The following ULK4 variants were observed in gnomAD, a reference collection of about 807,000 sequenced individuals.
ULK4 encodes inactive serine/threonine-protein kinase ULK4.
A neutral mutation model predicts 160.6 loss-of-function variants in ULK4; 133 were observed. That is an observed-to-expected ratio of 0.83 (90% CI 0.72 to 0.96). ULK4 has a LOEUF of 0.96. Ranked by LOEUF, ULK4 falls within the 40% of genes least tolerant of loss-of-function variation. ULK4 has a pLI of 0.00. For missense variants in ULK4, 1,580 were observed against 1,499.5 expected, an observed-to-expected ratio of 1.05 and a Z score of -0.89; for synonymous variants, 534 against 539.8, an observed-to-expected ratio of 0.99 and a Z score of 0.15.
At chr3:41,509,619 C>A (rs2085502915) in intron 32 of ULK4, among the ~76,000 whole-genome samples, 1 of 152,184 alleles carries the variant, frequency 6.6e-6, no homozygotes, top group African/African-American at 2.4e-5. Context: ...ACAGTAACAA[C>A]AGATTTATCA....
rs71288055 is a variant in ULK4, at chr3:41,567,443, A to ATTTT, written c.3121-1317_3121-1314dup. Among the ~76,000 whole-genome samples the ATTTT allele has an allele frequency of 2.6e-3, 234 of 90,284 alleles. 4 individuals carry two copies. Among genetic ancestry groups the ATTTT allele is most frequent in the Non-Finnish European group, 3.1e-3 (150 of 48,666 alleles). 59.2% of individuals were successfully genotyped at this position (90,284 alleles called of 152,430 possible). Reference sequence around the variant, plus strand: ...TCATTGAGAAGGTGTCACTTAACAGATTTTTTTTTTTTTTTTTTTTTTTGA... The same window carrying ATTTT: ...TCATTGAGAAGGTGTCACTTAACAGATTTTTTTTTTTTTTTTTTTTTTTTTTTGA... On this transcript the variant is annotated intron_variant, in intron 31 of 36. Coordinates refer to ENST00000301831, the MANE Select transcript of ULK4 (RefSeq NM_017886.4).
At chr3:41,674,082 A>G (rs780880414) in intron 29 of ULK4, among the ~76,000 whole-genome samples, 17 of 152,240 alleles carry the variant, frequency 1.1e-4, no homozygotes, top group African/African-American at 2.7e-4. Flanking sequence ...TGAACTGCAT[A>G]TGCACAATCA....
chr3:41,720,966 T>A (rs561119222), intron 22 of ULK4, among the ~76,000 whole-genome samples: 129 of 152,254 alleles, frequency 8.5e-4, no homozygotes, highest in Non-Finnish European at 1.1e-3. Context: ...AGGAAGTATT[T>A]AGCAAAAGGG....
Position 41,498,125 on chromosome 3 carries a change from C to G in ULK4, c.3227-34872G>C, listed in dbSNP as rs145593183. ...CACTCTTTCCAAGTATACATGAAAC[C>G]TTCTTTAAGAAAAACTAAATGCCAG... On this transcript the variant is annotated intron_variant, in intron 32 of 36. Coordinates refer to ENST00000301831, the MANE Select transcript of ULK4 (RefSeq NM_017886.4). 5.3e-3 allele frequency among the ~76,000 whole-genome samples: 809 copies of G among 152,238 alleles called. 5 individuals carry two copies. Among genetic ancestry groups the G allele is most frequent in the Non-Finnish European group, 8.9e-3 (604 of 68,022 alleles).
intron 35 of ULK4, among the ~76,000 whole-genome samples, chr3:41,261,294 A>C (rs1380746559): frequency 6.6e-6 from 1 of 152,110 alleles, no homozygotes; most frequent in African/African-American, 2.4e-5. Flanking sequence ...CAAACATATA[A>C]TTTTCTTTTT....
At chr3:41,939,820 G>C (rs926853388) in intron 2 of ULK4, among the ~76,000 whole-genome samples, 2 of 152,058 alleles carry the variant, frequency 1.3e-5, no homozygotes, top group African/African-American at 4.8e-5. Flanking sequence ...ATCAGCAGTG[G>C]CATTAGATTC....
chr3:41,511,999 C>T (rs1384063425), intron 32 of ULK4, among the ~76,000 whole-genome samples: 3 of 152,126 alleles, frequency 2.0e-5, no homozygotes, highest in Non-Finnish European at 2.9e-5. Context: ...AAATGGGATA[C>T]ACCACATAAA....
chr3:41,563,364 T>C (rs935500162), intron 32 of ULK4, among the ~76,000 whole-genome samples: 13 of 152,296 alleles, frequency 8.5e-5, no homozygotes, highest in Non-Finnish European at 1.3e-4. Context: ...AGGAGTATCT[T>C]TGTGGTGTTC....
chr3:41,874,138 T>C (rs2125695467), intron 17 of ULK4, among the ~76,000 whole-genome samples: 1 of 152,036 alleles, frequency 6.6e-6, no homozygotes, highest in Non-Finnish European at 1.5e-5. Flanking sequence ...CTATGGAAAA[T>C]AAGGACAATG....
chr3:41,453,778 T>C (rs1164763920), intron 34 of ULK4, among the ~76,000 whole-genome samples: 1 of 152,086 alleles, frequency 6.6e-6, no homozygotes, highest in South Asian at 2.1e-4. Flanking sequence ...TTCCATGTAA[T>C]TTCTAACTTA....
chr3:41,952,984 A>G (rs1417442920), intron 2 of ULK4, among the ~76,000 whole-genome samples: 1 of 152,146 alleles, frequency 6.6e-6, no homozygotes, highest in East Asian at 1.9e-4. Context: ...CCATTTATAT[A>G]GAGTAGTCAA....
chr3:41,851,236 T>C (rs1183065433), intron 17 of ULK4, among the ~76,000 whole-genome samples: 1 of 152,158 alleles, frequency 6.6e-6, no homozygotes, highest in Non-Finnish European at 1.5e-5. Flanking sequence ...CTCTTATTAT[T>C]TTGAGATATG....
chr3:41,334,497 A>G (rs565716336), intron 35 of ULK4, among the ~76,000 whole-genome samples: 7 of 151,790 alleles, frequency 4.6e-5, no homozygotes, highest in South Asian at 2.1e-4. Context: ...GCCATGTGGG[A>G]AAAAAATTGG....
At chr3:41,507,783 C>A (rs759316118) in intron 32 of ULK4, among the ~76,000 whole-genome samples, 1 of 152,134 alleles carries the variant, frequency 6.6e-6, no homozygotes, top group African/African-American at 2.4e-5. Flanking sequence ...CACTCATGAT[C>A]CAGATTCTGT....
chr3:41,710,808 A>G (rs1262873995), intron 25 of ULK4, among the ~76,000 whole-genome samples: 2 of 151,086 alleles, frequency 1.3e-5, no homozygotes, highest in African/African-American at 4.9e-5. Context: ...AAAAAAAAAA[A>G]AGATTGTGAC....
chr3:41,901,168 G>GTTTTTT (rs1698337236), intron 12 of ULK4, among the ~76,000 whole-genome samples: 8 of 116,878 alleles, frequency 6.8e-5, no homozygotes, highest in African/African-American at 1.4e-4. Context: ...TAACAGCATG[G>GTTTTTT]CTTCTTTTTT....
chr3:41,269,369 G>A (rs2125684513), intron 35 of ULK4, among the ~76,000 whole-genome samples: 2 of 151,982 alleles, frequency 1.3e-5, no homozygotes, highest in South Asian at 4.2e-4. Context: ...TACAAGCAGA[G>A]ACCTGGCCTA....
chr3:41,778,278 G>A (rs1374564698), intron 21 of ULK4, among the ~76,000 whole-genome samples: 1 of 39,922 alleles, frequency 2.5e-5, no homozygotes, highest in East Asian at 5.5e-4. Flanking sequence ...ACTTACAAGG[G>A]ATGTGAAGGA....
At chr3:41,497,668 TCATCAAGAATA>T (rs1184701097) in intron 32 of ULK4, among the ~76,000 whole-genome samples, 2 of 152,052 alleles carry the variant, frequency 1.3e-5, no homozygotes, top group African/African-American at 4.8e-5. Context: ...GATATAAGGG[TCATCAAGAATA>T]CCTAACATCT....
Sources: allele counts gnomAD v4.1 joint callset (sites outside exome capture counted in the v4.1 genomes callset), GRCh38; gene constraint gnomAD v4.1.1; transcripts MANE v1.5; gene names NCBI Gene and HGNC (gene_info 2026-07-23, HGNC 2026-07-21).